The following POLQ variants were observed in gnomAD, a reference collection of about 807,000 sequenced individuals.
The protein encoded by POLQ is epididymis secretory sperm binding protein.
A neutral mutation model predicts 259.2 loss-of-function variants in POLQ; 233 were observed. The ratio of observed to expected loss-of-function variants is 0.90; its 90% CI spans 0.81 to 1.00. The LOEUF (loss-of-function observed/expected upper bound fraction) is 1.00. Among genes scored for constraint, POLQ ranks in the 50% least tolerant of loss-of-function variants. The pLI, the probability that POLQ is intolerant of heterozygous loss-of-function variation, is 0.00. For missense variants in POLQ, 2,871 were observed against 3,051.6 expected, an observed-to-expected ratio of 0.94 and a Z score of 1.39; for synonymous variants, 1,025 against 1,048.8, an observed-to-expected ratio of 0.98 and a Z score of 0.44.
chr3:121,450,976 C>T (rs2047670611), intron 25 of POLQ, among the ~76,000 whole-genome samples: 1 of 151,994 alleles, frequency 6.6e-6, no homozygotes, highest in African/African-American at 2.4e-5. Context: ...TTCTTGGAGG[C>T]TTTGTTCGTT....
chr3:121,458,672 G>C (rs765647350), intron 25 of POLQ, among the ~76,000 whole-genome samples: 8 of 152,194 alleles, frequency 5.3e-5, no homozygotes, highest in Non-Finnish European at 1.2e-4. Context: ...GACAGAGCTG[G>C]CTTTTTAAAT....
Position 121,485,114 on chromosome 3 carries a change from C to T in POLQ, c.5700G>A (p.Val1900=), listed in dbSNP as rs751680323. Residue 1900 remains valine (V), a synonymous_variant, in exon 17 of 30, where the codon GTG becomes GTA. Coordinates refer to ENST00000264233, the MANE Select transcript of POLQ (RefSeq NM_199420.4). The part of the protein sequence containing the change: ...FPIKGCDDTL[V]VGLAVCWGGR... The stretch of plus-strand genomic sequence containing the variant: ...CACCCCAGCATACTGCCAGTCCAAC[C>T]ACCAAGGTGTCATCACAACCTTTAA... 1 of 1,611,756 alleles carries T rather than the reference C, an allele frequency of 6.2e-7. No individual in the cohort carries two copies. The highest frequency in any genetic ancestry group is 8.5e-7 in the Non-Finnish European group (1 of 1,178,110).
chr3:121,464,776 T>A (rs2047822062), intron 24 of POLQ, among the ~76,000 whole-genome samples: 1 of 152,214 alleles, frequency 6.6e-6, no homozygotes, highest in Admixed American at 6.5e-5. Context: ...ATATGAAACA[T>A]AAATTTCACA....
intron 26 of POLQ, among the ~76,000 whole-genome samples, chr3:121,448,321 T>C (rs181610395): frequency 7.2e-5 from 11 of 152,168 alleles, no homozygotes; most frequent in Non-Finnish European, 1.2e-4. Context: ...AGTATATCAA[T>C]TGCATTTTCC....
chr3:121,440,175 A>G, intron 26 of POLQ, 59 bp from the exon 27 acceptor site: 1 of 1,399,644 alleles, frequency 7.1e-7, no homozygotes, highest in South Asian at 1.2e-5. Flanking sequence ...CACTTCATTC[A>G]CTGGCTTAAA....
Position 121,473,497 on chromosome 3 carries a change from A to C in POLQ, c.6406-10T>G, listed in dbSNP as rs1372973745. ...ATTCCAAAAATAAAACCTGCAAGAA[A>C]TTAATGTCTCTTTAGTCAAGAATGA... On this transcript the variant is annotated splice_polypyrimidine_tract_variant and intron_variant, in intron 20 of 29. Transcript: ENST00000264233. The C allele has an allele frequency of 6.2e-7, 1 of 1,605,894 alleles. No homozygotes were observed. Among genetic ancestry groups the C allele is most frequent in the South Asian group, 1.1e-5 (1 of 90,052 alleles).
At chr3:121,527,706 A>G (rs906152715) in intron 7 of POLQ, among the ~76,000 whole-genome samples, 4 of 152,148 alleles carry the variant, frequency 2.6e-5, no homozygotes, top group African/African-American at 7.2e-5. Flanking sequence ...AAGCAATTCA[A>G]TTTTTTCTTA....
intron 13 of POLQ, among the ~76,000 whole-genome samples, chr3:121,498,258 T>C (rs1055985719): frequency 6.6e-6 from 1 of 151,552 alleles, no homozygotes; most frequent in African/African-American, 2.4e-5. Flanking sequence ...TGCGGTGAGC[T>C]GAGATCGCGC....
chr3:121,459,843 C>T (rs1161865009), intron 25 of POLQ, among the ~76,000 whole-genome samples: 1 of 152,066 alleles, frequency 6.6e-6, no homozygotes, highest in Non-Finnish European at 1.5e-5. Flanking sequence ...ACGAAGTAGC[C>T]TCAGATCTCA....
chr3:121,484,229 A>G (rs3821367), intron 17 of POLQ, among the ~76,000 whole-genome samples: 46,628 of 152,112 alleles, frequency 0.31, 8,074 homozygotes, highest in East Asian at 0.72. Context: ...TCCAAAACCA[A>G]CCTATCAGCT....
chr3:121,500,831 C>T (rs1576418722), intron 12 of POLQ, among the ~76,000 whole-genome samples: 2 of 152,050 alleles, frequency 1.3e-5, no homozygotes, highest in East Asian at 3.9e-4. Context: ...AAAAGTCATC[C>T]TATGTAAGAG....
At chr3:121,522,607 G>A (rs532566521) in intron 7 of POLQ, among the ~76,000 whole-genome samples, 3 of 152,160 alleles carry the variant, frequency 2.0e-5, no homozygotes, top group South Asian at 2.1e-4. Context: ...CACCGCGCCC[G>A]GCTGGAGATC....
intron 13 of POLQ, among the ~76,000 whole-genome samples, 173 bp from the exon 14 acceptor site, chr3:121,497,105 G>A (rs2048130995): frequency 6.6e-6 from 1 of 152,166 alleles, no homozygotes; most frequent in African/African-American, 2.4e-5. Flanking sequence ...ATCAATGCTT[G>A]CAAAGCAAGT....
chr3:121,436,382 C>G, intron 27 of POLQ, 107 bp from the exon 28 acceptor site: 2 of 1,079,018 alleles, frequency 1.9e-6, no homozygotes, highest in Non-Finnish European at 2.7e-6. Context: ...GACTGGAAAG[C>G]TGGACTGAGA....
chr3:121,476,548 T>A lies in POLQ; in HGVS notation c.6397A>T (p.Ile2133Phe), dbSNP rs985811873. ...TAGCCCCATGATACAACCTCAGCGA[T>A]GTCATCTGAACTGGTGAAAGAAAAA... is the stretch of plus-strand genomic sequence containing the variant. ...HSFSFTSSDD[I>F]AEVLFLELKL... The change falls in exon 20 of 30, where the codon ATC becomes TTC. Residue 2133 changes from isoleucine to phenylalanine, a missense_variant. Transcript: ENST00000264233. 4 of 1,611,654 alleles carry A rather than the reference T, an allele frequency of 2.5e-6. No individual in the cohort carries two copies. The highest frequency in any genetic ancestry group is 1.7e-5 in the Admixed American group (1 of 59,668).
At chr3:121,510,991 G>T (rs1254440700) in intron 10 of POLQ, among the ~76,000 whole-genome samples, 2 of 152,130 alleles carry the variant, frequency 1.3e-5, no homozygotes, top group Non-Finnish European at 2.9e-5. Flanking sequence ...ACTCTGGGAG[G>T]CCGAGGCAGG....
intron 7 of POLQ, among the ~76,000 whole-genome samples, chr3:121,526,833 T>C (rs1025632590): frequency 6.6e-6 from 1 of 151,800 alleles, no homozygotes; most frequent in African/African-American, 2.4e-5. Context: ...GTAGAGTCTA[T>C]AGGTATGTAT....
At chr3:121,491,209 C>T (rs151033315) in intron 15 of POLQ, among the ~76,000 whole-genome samples, 88 of 151,548 alleles carry the variant, frequency 5.8e-4, no homozygotes, top group Middle Eastern at 6.8e-3. Flanking sequence ...AAAAATTGGC[C>T]GGGTGTGGTG....
Position 121,487,882 on chromosome 3 carries a change from T to G in POLQ, c.5049A>C (p.Ser1683=), listed in dbSNP as rs1290051643. The change falls in exon 16 of 30, where the codon TCA becomes TCC. Residue 1683 remains serine (S), a synonymous_variant. Coordinates refer to ENST00000264233, the MANE Select transcript of POLQ (RefSeq NM_199420.4). ...CCTGCACTTGTTTTGTCTCCAAGTT[T>G]GAAATAACTTCTTGTTCTTCATTTA... ...TELNEEQEVI[S]NLETKQVQGI... is the part of the protein sequence containing the mutation. The G allele has an allele frequency of 6.2e-7, 1 of 1,609,956 alleles. No individual in the cohort carries two copies.
Sources: gnomAD v4.1 joint callset for allele counts (sites outside exome capture counted in the v4.1 genomes callset) on GRCh38, gnomAD v4.1.1 for gene constraint, MANE v1.5 for transcripts, NCBI Gene and HGNC (gene_info 2026-07-23, HGNC 2026-07-21) for gene names.